The following PLAGL1 variants were observed in gnomAD, a reference collection of about 807,000 sequenced individuals.
PLAGL1 encodes the protein zinc finger protein PLAGL1.
A neutral mutation model predicts 4.6 loss-of-function variants in PLAGL1; 1 was observed. The ratio of observed to expected loss-of-function variants is 0.22; its 90% confidence interval spans 0.08 to 1.03. The LOEUF (loss-of-function observed/expected upper bound fraction) is 1.03, where lower values mean the gene tolerates loss of function less well. Among genes scored for constraint, PLAGL1 ranks in the 50% least tolerant of loss-of-function variants. The pLI is 0.58. For synonymous variants in PLAGL1, 240 were observed against 237.8 expected (o/e 1.01, Z -0.08); for missense variants, 464 against 570.4 (o/e 0.81, Z 1.90).
Position 144,015,137 on chromosome 6 carries a change from A to T in PLAGL1, c.-150-46159T>A, listed in dbSNP as rs1301875934. 6.6e-6 allele frequency among the ~76,000 whole-genome samples: 1 copy of T among 152,242 alleles called. No individual in the cohort carries two copies. Among genetic ancestry groups the T allele is most frequent in the African/African-American group, 2.4e-5 (1 of 41,464 alleles). ...TAGCTAGTTCAAACTGAAATGTGCT[A>T]CAAGTGTAAAATATACTCTGGCTTT... On this transcript the variant is annotated intron_variant, in intron 1 of 3. Coordinates refer to the PLAGL1 transcript ENST00000437412. This position sits in a 1 kb window ranked among gnomAD's most constrained non-coding sequence, Gnocchi z 4.3.
chr6:144,037,705 T>TAAC (rs5880580), intron 1 of PLAGL1: 1 of 151,408 alleles, frequency 6.6e-6, no homozygotes, highest in Non-Finnish European at 1.5e-5. Context: ...TTATGAACTA[T>TAAC]GTTTTTTATT....
At chr6:144,038,662 G>A (rs112302683) in intron 1 of PLAGL1, among the ~76,000 whole-genome samples, 2 of 152,118 alleles carry the variant, frequency 1.3e-5, no homozygotes, top group Admixed American at 1.3e-4. Flanking sequence ...AATAAATGAA[G>A]TACTGATACA....
At chr6:143,976,973 A>G (rs141077325) in intron 2 of PLAGL1, among the ~76,000 whole-genome samples, 4 of 152,318 alleles carry the variant, frequency 2.6e-5, no homozygotes, top group African/African-American at 9.6e-5. Context: ...CATTCAGTTC[A>G]AAATATTTTC....
At position 143,949,626 on chromosome 6, in the gene PLAGL1, G is replaced by C. The variant is rs2128523603; in HGVS notation, c.-324-1166C>G. On this transcript the variant is annotated intron_variant, in intron 6 of 7. Transcript: ENST00000674357. The surrounding 1 kb of genome is among the most constrained non-coding windows in gnomAD (Gnocchi z 5.3). ...GAGAGAGATTTTCAGGTGGGCAAAT[G>C]CTCACCTTTCAAGTGCCAATACTTA... Among the ~76,000 whole-genome samples, 1 of 152,262 alleles carries C rather than the reference G, an allele frequency of 6.6e-6. No individual in the cohort carries two copies. The highest frequency in any genetic ancestry group is 2.4e-5 in the African/African-American group (1 of 41,538).
rs953920944 is a variant in PLAGL1 at position 144,022,783 on chromosome 6, C to T, written c.-151+41685G>A. Among the ~76,000 whole-genome samples the T allele has an allele frequency of 6.6e-6, 1 of 152,198 alleles. No individual in the cohort carries two copies. Among genetic ancestry groups the T allele is most frequent in the Non-Finnish European group, 1.5e-5 (1 of 68,038 alleles). The stretch of plus-strand genomic sequence containing the variant: ...ATGTGGAACTGTGAGTCAATTAAAC[C>T]TCTTTCCTTTATAAATTATGCAGTC... On this transcript the variant is annotated intron_variant, in intron 1 of 3. Coordinates refer to the PLAGL1 transcript ENST00000437412. The surrounding 1 kb of genome is among the most constrained non-coding windows in gnomAD (Gnocchi z 4.2).
At chr6:143,946,622 G>A (rs867207457) in intron 7 of PLAGL1, among the ~76,000 whole-genome samples, 1 of 152,198 alleles carries the variant, frequency 6.6e-6, no homozygotes, top group East Asian at 1.9e-4. Context: ...TAAGGGCCAG[G>A]AGCATAATTT....
At chr6:143,998,407 T>G (rs1313026670) in intron 1 of PLAGL1, among the ~76,000 whole-genome samples, 1 of 152,212 alleles carries the variant, frequency 6.6e-6, no homozygotes, top group Non-Finnish European at 1.5e-5. Flanking sequence ...ACAAACCAGT[T>G]TTGCCACTTA....
At chr6:143,986,189 C>T (rs1789116096) in intron 1 of PLAGL1, among the ~76,000 whole-genome samples, 1 of 151,360 alleles carries the variant, frequency 6.6e-6, no homozygotes, top group Admixed American at 6.6e-5. Flanking sequence ...TCAAGGAAAC[C>T]CATGATAAAG....
rs141466879 is a variant in PLAGL1 at position 144,048,961 on chromosome 6, A to C, written c.-151+15507T>G. On this transcript the variant is annotated intron_variant, in intron 1 of 3. Coordinates refer to the PLAGL1 transcript ENST00000437412. The surrounding 1 kb of genome is among the most constrained non-coding windows in gnomAD (Gnocchi z 4.8). Reference sequence around the variant, plus strand: ...CAAACCATCTCTTTGTGAATGCATAAGATTGAATGCTTTCAAAATCAACCA... The same window carrying C: ...CAAACCATCTCTTTGTGAATGCATACGATTGAATGCTTTCAAAATCAACCA... Among the ~76,000 whole-genome samples the C allele has an allele frequency of 5.8e-4, 89 of 152,364 alleles. No homozygotes were observed. Among genetic ancestry groups the C allele is most frequent in the African/African-American group, 2.0e-3 (82 of 41,594 alleles).
chr6:143,999,520 G>A (rs749081328), intron 1 of PLAGL1, among the ~76,000 whole-genome samples: 96 of 152,134 alleles, frequency 6.3e-4, no homozygotes, highest in Non-Finnish European at 1.1e-3. Context: ...GCCAAGTTCT[G>A]AATTTGCTCA....
At position 143,960,665 on chromosome 6, in the gene PLAGL1, T is replaced by C. The variant is rs1783199709; in HGVS notation, c.-398-123A>G. On this transcript the variant is annotated intron_variant, in intron 5 of 7. Coordinates refer to ENST00000674357, the MANE Select transcript of PLAGL1 (RefSeq NM_001317162.2). The surrounding 1 kb of genome is among the most constrained non-coding windows in gnomAD (Gnocchi z 5.7). ...GACTGGCGATGTGCACAGGAGATTT[T>C]CTAGTGTTTTTTCATGCATTTTAAT... 6.6e-6 allele frequency: 1 copy of C among 152,222 alleles called. No individual in the cohort carries two copies. Among genetic ancestry groups the C allele is most frequent in the Non-Finnish European group, 1.5e-5 (1 of 68,034 alleles). The allele number at this position is 152,222 out of a possible 1,614,324, so 9.4% of individuals were successfully genotyped here.
intron 1 of PLAGL1, among the ~76,000 whole-genome samples, chr6:144,057,112 C>T (rs1799029785): frequency 6.6e-6 from 1 of 152,174 alleles, no homozygotes; most frequent in Non-Finnish European, 1.5e-5. Flanking sequence ...CTTCAGTTTT[C>T]AACTCCTTTG....
In PLAGL1 at chr6:143,954,670, C is replaced by A. The variant is rs1353595015; in HGVS notation, c.-325+5799G>T. ...AGAGTATACTATCTTCATCACATGACAAAGTTACCTATTATCATTGCTTGC... is the reference window on the plus strand; with the variant it reads ...AGAGTATACTATCTTCATCACATGAAAAAGTTACCTATTATCATTGCTTGC... On this transcript the variant is annotated intron_variant, in intron 6 of 7. Coordinates refer to ENST00000674357, the MANE Select transcript of PLAGL1 (RefSeq NM_001317162.2). This position sits in a 1 kb window ranked among gnomAD's most constrained non-coding sequence, Gnocchi z 5.1. 2.0e-5 allele frequency among the ~76,000 whole-genome samples: 3 copies of A among 152,128 alleles called. No homozygotes were observed. The highest frequency in any genetic ancestry group is 4.4e-5 in the Non-Finnish European group (3 of 68,034).
intron 1 of PLAGL1, among the ~76,000 whole-genome samples, chr6:144,019,532 T>A (rs111682392): frequency 0.021 from 3,229 of 152,202 alleles, 44 homozygotes; most frequent in Non-Finnish European, 0.029. Context: ...GGGCTCAACA[T>A]TGAATAATAA....
At chr6:144,024,511 C>A (rs1283122321) in intron 1 of PLAGL1, among the ~76,000 whole-genome samples, 1 of 152,182 alleles carries the variant, frequency 6.6e-6, no homozygotes, top group South Asian at 2.1e-4. Flanking sequence ...TGTACAAGCT[C>A]TCTTGCCTGC....
chr6:144,045,834 G>A (rs549562463), intron 1 of PLAGL1, among the ~76,000 whole-genome samples: 6 of 152,242 alleles, frequency 3.9e-5, no homozygotes, highest in African/African-American at 7.2e-5. Context: ...CCAATCAAAC[G>A]TAGATTTGGT....
Position 143,944,767 on chromosome 6 carries a change from C to T in PLAGL1, c.153-2104G>A, listed in dbSNP as rs369080784. On this transcript the variant is annotated intron_variant, in intron 7 of 7. Transcript: ENST00000674357. Reference sequence around the variant, plus strand: ...ATATGAAGGGGGGAGCTGGCTTACACACTCAGTATTTAAACCTTTTTTTTT... The same window carrying T: ...ATATGAAGGGGGGAGCTGGCTTACATACTCAGTATTTAAACCTTTTTTTTT... 1.6e-4 allele frequency among the ~76,000 whole-genome samples: 24 copies of T among 147,186 alleles called. No homozygotes were observed. The East Asian group carries it at 5.0e-3, about 31-fold the overall frequency.
chr6:144,034,351 G>GC lies in PLAGL1; in HGVS notation c.-151+30116dup, dbSNP rs1382909644. Among the ~76,000 whole-genome samples, 2 of 152,150 alleles carry GC rather than the reference G, an allele frequency of 1.3e-5. No homozygotes were observed. The highest frequency in any genetic ancestry group is 1.3e-4 in the Admixed American group (2 of 15,268). ...GCTGACTCAGGCTGCTGGGCACACA[G>GC]CCCCCAGGCTGACTGGAAGACGGGG... On this transcript the variant is annotated intron_variant, in intron 1 of 3. Transcript: ENST00000437412. This position sits in a 1 kb window ranked among gnomAD's most constrained non-coding sequence, Gnocchi z 4.7.
rs1195227941 is a variant in PLAGL1, at chr6:144,059,898, G to A, written c.-151+4570C>T. 6.6e-6 allele frequency among the ~76,000 whole-genome samples: 1 copy of A among 152,020 alleles called. No homozygotes were observed. Among genetic ancestry groups the A allele is most frequent in the Non-Finnish European group, 1.5e-5 (1 of 68,012 alleles). ...TAGTACCTTTACTGTTTATTTCTCT[G>A]TCCCTAATGCCACTTCACTGTCCCC... is the stretch of plus-strand genomic sequence containing the variant. On this transcript the variant is annotated intron_variant, in intron 1 of 3. Coordinates refer to the PLAGL1 transcript ENST00000437412. The surrounding 1 kb of genome is among the most constrained non-coding windows in gnomAD (Gnocchi z 4.9).
Sources: gnomAD v4.1 joint callset for allele counts (sites outside exome capture counted in the v4.1 genomes callset) on GRCh38, gnomAD v4.1.1 for gene constraint, Gnocchi (gnomAD v3.1) non-coding constraint, MANE v1.5 for transcripts, NCBI Gene and HGNC (gene_info 2026-07-23, HGNC 2026-07-21) for gene names.